The following RAI14 variants were observed in gnomAD, a reference collection of about 807,000 sequenced individuals.
RAI14 encodes retinoic acid induced 14, also known as ankycorbin.
In RAI14, 45 loss-of-function variants were observed where a neutral mutation model predicts 115.4. The ratio of observed to expected loss-of-function variants is 0.39; its 90% CI spans 0.31 to 0.50. RAI14 has a LOEUF of 0.50. Among genes scored for constraint, RAI14 ranks in the 20% least tolerant of loss-of-function variants. RAI14 has a pLI of 0.85. For synonymous variants in RAI14, 371 were observed against 415.4 expected, an observed-to-expected ratio of 0.89 and a Z score of 1.30; for missense variants, 939 against 1,131.2, an observed-to-expected ratio of 0.83 and a Z score of 2.44.
intron 2 of RAI14, among the ~76,000 whole-genome samples, chr5:34,718,286 G>T (rs1580007083): frequency 6.6e-6 from 1 of 152,214 alleles, no homozygotes; most frequent in Admixed American, 6.5e-5. Context: ...AACTGATCAG[G>T]CATGAATGTT....
At chr5:34,691,604 A>G (rs1262406056) in intron 2 of RAI14, among the ~76,000 whole-genome samples, 2 of 152,188 alleles carry the variant, frequency 1.3e-5, no homozygotes, top group East Asian at 1.9e-4. Context: ...CTTGAGTGAA[A>G]TGGGTGGAGG....
chr5:34,697,851 G>A (rs1193442870), intron 2 of RAI14, among the ~76,000 whole-genome samples: 1 of 151,938 alleles, frequency 6.6e-6, no homozygotes, highest in Non-Finnish European at 1.5e-5. Context: ...CAAATTTTAG[G>A]CCTAGAATTC....
chr5:34,750,848 A>ATTTTTTTTTTTTTTT lies in RAI14; in HGVS notation c.37-6613_37-6599dup, dbSNP rs869028180. 2.7e-4 allele frequency among the ~76,000 whole-genome samples: 23 copies of ATTTTTTTTTTTTTTT among 83,638 alleles called. 2 individuals carry two copies. The highest frequency in any genetic ancestry group is 6.3e-4 in the East Asian group (2 of 3,184). 54.9% of individuals were successfully genotyped at this position (83,638 alleles called of 152,430 possible). On this transcript the variant is annotated intron_variant, in intron 2 of 17. Transcript: ENST00000265109. ...GACCTTATCCTTACTTTGCTTTATC[A>ATTTTTTTTTTTTTTT]TTTTTTTTTTTTTTTTTTTTTGAGG...
intron 3 of RAI14, among the ~76,000 whole-genome samples, chr5:34,789,939 G>C (rs1033706544): frequency 1.3e-5 from 2 of 152,142 alleles, no homozygotes; most frequent in African/African-American, 4.8e-5. Context: ...CCTGCTTCTT[G>C]TTATACTTTA....
In RAI14 at chr5:34,736,103, T is replaced by C. The variant is rs559035654; in HGVS notation, c.37-21365T>C. Among the ~76,000 whole-genome samples, 191 of 152,096 alleles carry C rather than the reference T, an allele frequency of 1.3e-3. 4 individuals carry two copies. The South Asian group carries it at 0.036, about 29-fold the overall frequency. On this transcript the variant is annotated intron_variant, in intron 2 of 17. Coordinates refer to ENST00000265109, the MANE Select transcript of RAI14 (RefSeq NM_015577.3). Reference sequence around the variant, plus strand: ...GGCAGGGCTGGACTGTGCTTTGCAATGTATAAGAAAAATTCAGCTGGGCGC... The same window carrying C: ...GGCAGGGCTGGACTGTGCTTTGCAACGTATAAGAAAAATTCAGCTGGGCGC...
At chr5:34,777,695 C>T (rs1751041108) in intron 3 of RAI14, among the ~76,000 whole-genome samples, 1 of 152,120 alleles carries the variant, frequency 6.6e-6, no homozygotes, top group African/African-American at 2.4e-5. Context: ...AGGAGAATCG[C>T]TTGAACCCGG....
At chr5:34,686,835 T>A in intron 1 of RAI14, 37 bp from the exon 2 acceptor site, 2 of 1,393,114 alleles carry the variant, frequency 1.4e-6, no homozygotes, top group South Asian at 2.4e-5. Flanking sequence ...AATACCTTAT[T>A]TGGAAACCTA....
chr5:34,668,944 C>A (rs1743422000), intron 1 of RAI14, among the ~76,000 whole-genome samples: 1 of 152,154 alleles, frequency 6.6e-6, no homozygotes, highest in Non-Finnish European at 1.5e-5. Context: ...GCAACCTCTG[C>A]CTCTCAGGTT....
intron 2 of RAI14, among the ~76,000 whole-genome samples, chr5:34,751,082 C>T (rs1217982733): frequency 6.6e-6 from 1 of 151,144 alleles, no homozygotes; most frequent in African/African-American, 2.4e-5. Context: ...AACTCCCGAA[C>T]TCAGGTGATC....
Position 34,803,713 on chromosome 5 carries a change from A to T in RAI14, c.258A>T (p.Gly86=). 1 of 1,608,584 alleles carries T rather than the reference A, an allele frequency of 6.2e-7. No individual in the cohort carries two copies. Among genetic ancestry groups the T allele is most frequent in the East Asian group, 2.2e-5 (1 of 44,816 alleles). Reference sequence around the variant, plus strand: ...TATTATTTGAAAAAATCCATTTAGGACACAGCGCCTTACATCTCGCAGCCA... The same window carrying T: ...TATTATTTGAAAAAATCCATTTAGGTCACAGCGCCTTACATCTCGCAGCCA... ...GVDVTAQDTT[G]HSALHLAAKN... is the part of the protein sequence containing the mutation. The change falls in exon 5 of 18, where the codon GGA becomes GGT. Residue 86 remains glycine (G), a splice_region_variant and synonymous_variant. Coordinates refer to ENST00000265109, the MANE Select transcript of RAI14 (RefSeq NM_015577.3).
chr5:34,676,303 G>A (rs1743970042), intron 1 of RAI14, among the ~76,000 whole-genome samples: 1 of 152,186 alleles, frequency 6.6e-6, no homozygotes, highest in Admixed American at 6.5e-5. Flanking sequence ...TCTCTTCAGA[G>A]GTGAACACGG....
chr5:34,777,595 C>G (rs772411353), intron 3 of RAI14, among the ~76,000 whole-genome samples: 1 of 152,128 alleles, frequency 6.6e-6, no homozygotes, highest in Non-Finnish European at 1.5e-5. Context: ...GCCTGACCAA[C>G]ATGGTGAAAC....
chr5:34,818,988 T>C (rs1298840737), intron 13 of RAI14, 137 bp downstream of exon 13: 8 of 712,886 alleles, frequency 1.1e-5, no homozygotes, highest in South Asian at 8.4e-5. Context: ...CTGCCAGTAA[T>C]GCACAAGCTG....
At chr5:34,781,827 T>G (rs975723976) in intron 3 of RAI14, among the ~76,000 whole-genome samples, 4 of 152,146 alleles carry the variant, frequency 2.6e-5, no homozygotes, top group Admixed American at 1.3e-4. Flanking sequence ...ACTAGAGGAA[T>G]TAAAGACACA....
intron 2 of RAI14, among the ~76,000 whole-genome samples, chr5:34,734,238 C>T (rs1744566515): frequency 6.6e-6 from 1 of 152,178 alleles, no homozygotes; most frequent in Non-Finnish European, 1.5e-5. Flanking sequence ...GGGGTGGGGT[C>T]AGTGAACTGG....
At position 34,686,936 on chromosome 5, in the gene RAI14, C is replaced by T. The variant is rs904239909; in HGVS notation, c.17C>T (p.Ala6Val). Reference sequence around the variant, plus strand: ...GCACTAAACATGAAGAGCTTGAAAGCGAAGTTCAGGAAGAGTGACGTGAGT... The same window carrying T: ...GCACTAAACATGAAGAGCTTGAAAGTGAAGTTCAGGAAGAGTGACGTGAGT... MKSLK[A>V]KFRKSDTNEW... Residue 6 changes from alanine (A) to valine (V), a missense_variant, in exon 2 of 18, where the codon GCG (alanine) becomes GTG (valine). Physicochemically the swap from Ala to Val is moderately conservative, Grantham distance 64. Coordinates refer to ENST00000265109, the MANE Select transcript of RAI14 (RefSeq NM_015577.3). 1.2e-6 allele frequency: 2 copies of T among 1,613,608 alleles called. No homozygotes were observed. The highest frequency in any genetic ancestry group is 1.7e-5 in the Admixed American group (1 of 59,972).
At chr5:34,812,107 G>T in intron 9 of RAI14, 73 bp from the exon 10 acceptor site, 2 of 1,398,188 alleles carry the variant, frequency 1.4e-6, no homozygotes, top group Admixed American at 2.0e-5. Flanking sequence ...GTATGTGTGT[G>T]TATCCCCCCA....
chr5:34,756,631 T>C (rs1008673234), intron 2 of RAI14, among the ~76,000 whole-genome samples: 2 of 152,210 alleles, frequency 1.3e-5, no homozygotes, highest in Non-Finnish European at 2.9e-5. Context: ...CTTCAGTCAC[T>C]GGTTCTATAA....
chr5:34,662,054 G>A (rs545823508), intron 1 of RAI14, among the ~76,000 whole-genome samples: 19 of 152,316 alleles, frequency 1.2e-4, no homozygotes, highest in Non-Finnish European at 2.8e-4. Flanking sequence ...CTCTTGAAGT[G>A]CTGGGATTAC....
Sources: allele counts gnomAD v4.1 joint callset (sites outside exome capture counted in the v4.1 genomes callset), GRCh38; gene constraint gnomAD v4.1.1; transcripts MANE v1.5; gene names NCBI Gene and HGNC (gene_info 2026-07-23, HGNC 2026-07-21).